The following RHOA variants were observed in gnomAD, a reference collection of about 807,000 sequenced individuals.
RHOA encodes the protein ras homolog family member A.
In RHOA, 3 loss-of-function variants were observed where a neutral mutation model predicts 17.5. The ratio of observed to expected loss-of-function variants is 0.17; its 90% CI spans 0.08 to 0.44. The LOEUF is 0.44. Ranked by LOEUF, RHOA falls within the 20% of genes least tolerant of loss-of-function variation. The pLI, the probability that RHOA is intolerant of heterozygous loss-of-function variation, is 0.99. For synonymous variants in RHOA, 98 were observed against 88.4 expected, an observed-to-expected ratio of 1.11 and a Z score of -0.61; for missense variants, 56 against 242.3, an observed-to-expected ratio of 0.23 and a Z score of 5.10.
In RHOA at chr3:49,359,528, ACTTT is replaced by A. The variant is rs1013390476; in HGVS notation, c.*677_*680del. The A allele has an allele frequency of 5.0e-6, 1 of 200,690 alleles. No homozygotes were observed. The highest frequency in any genetic ancestry group is 2.3e-5 in the African/African-American group (1 of 43,480). The allele number at this position is 200,690 out of a possible 1,614,324, so 12.4% of individuals were successfully genotyped here. A position where few individuals can be genotyped will look rare whatever the true frequency, so the allele number is the denominator to read the frequency against. Reference sequence around the variant, plus strand: ...TCCATCTGACTTTATTTCCAAATACACTTTCTTTTTTAAAAAACCAATACACTTT... The same window carrying A: ...TCCATCTGACTTTATTTCCAAATACACTTTTTTAAAAAACCAATACACTTT... On this transcript the variant is annotated 3_prime_UTR_variant, in exon 5 of 5. Transcript: ENST00000418115.
chr3:49,379,220 T>C (rs1042353599), intron 1 of RHOA, among the ~76,000 whole-genome samples: 1 of 152,178 alleles, frequency 6.6e-6, no homozygotes. Context: ...AAAGTACTGA[T>C]ATATGCTATA....
At chr3:49,361,784 G>C (rs965812417) in intron 4 of RHOA, among the ~76,000 whole-genome samples, 2 of 152,190 alleles carry the variant, frequency 1.3e-5, no homozygotes, top group African/African-American at 4.8e-5. Context: ...GGGAGGCTGA[G>C]GCAGGAGAAT....
intron 1 of RHOA, among the ~76,000 whole-genome samples, chr3:49,377,301 G>C (rs2048243926): frequency 6.8e-6 from 1 of 147,346 alleles, no homozygotes; most frequent in East Asian, 2.1e-4. Context: ...GGGGAGGGGA[G>C]AAAGAAAAGG....
rs2048872408 is a variant in RHOA at position 49,408,264 on chromosome 3, ATACACGTATATACG to A, written c.-3+3542_-3+3555del. 1.1e-4 allele frequency among the ~76,000 whole-genome samples: 6 copies of A among 53,166 alleles called. No individual in the cohort carries two copies. In the Admixed American group the frequency reaches 1.9e-3, roughly 17 times the overall value. The allele number at this position is 53,166 out of a possible 152,430, so 34.9% of individuals were successfully genotyped here. On this transcript the variant is annotated intron_variant, in intron 1 of 4. Transcript: ENST00000418115. ...CGTATATGTACACATATATATACGT[ATACACGTATATACG>A]TATACACAAGTATATATACATATAC...
At chr3:49,401,804 C>T (rs78026371) in intron 1 of RHOA, among the ~76,000 whole-genome samples, 1 of 152,236 alleles carries the variant, frequency 6.6e-6, no homozygotes, top group East Asian at 1.9e-4. Flanking sequence ...GGTTCAGTAT[C>T]CCAAATCCAA....
At chr3:49,411,625 C>CGCGCA (rs2048938375) in intron 1 of RHOA, among the ~76,000 whole-genome samples, 195 bp downstream of exon 1, 2 of 151,902 alleles carry the variant, frequency 1.3e-5, no homozygotes, top group African/African-American at 4.8e-5. Context: ...CTTCCGGGGA[C>CGCGCA]TGCGCGGGCG....
intron 1 of RHOA, among the ~76,000 whole-genome samples, chr3:49,396,072 G>C (rs1280520822): frequency 1.3e-5 from 2 of 152,076 alleles, no homozygotes; most frequent in Non-Finnish European, 2.9e-5. Context: ...TGCTCAAAAA[G>C]GTATGATGAT....
At chr3:49,392,636 T>G (rs2048529784) in intron 1 of RHOA, among the ~76,000 whole-genome samples, 1 of 152,162 alleles carries the variant, frequency 6.6e-6, no homozygotes, top group African/African-American at 2.4e-5. Context: ...TGTGAACTAC[T>G]GCACTTGGCC....
At chr3:49,374,984 G>A (rs1038910353) in intron 2 of RHOA, among the ~76,000 whole-genome samples, 3 of 151,586 alleles carry the variant, frequency 2.0e-5, no homozygotes, top group Non-Finnish European at 4.4e-5. Flanking sequence ...TTAAACCTGG[G>A]GGAAGGCTGG....
intron 1 of RHOA, among the ~76,000 whole-genome samples, chr3:49,408,216 GTACACATATATATACGTA>G: frequency 6.7e-6 from 1 of 149,112 alleles, no homozygotes; most frequent in East Asian, 2.0e-4. Context: ...ACACGTATAT[GTACACATATATATACGTA>G]TACACGTATA....
chr3:49,405,742 T>A (rs1236664983), intron 1 of RHOA, among the ~76,000 whole-genome samples: 1 of 152,098 alleles, frequency 6.6e-6, no homozygotes, highest in Non-Finnish European at 1.5e-5. Context: ...CGGGCTGGAG[T>A]GCAGCAATCT....
chr3:49,376,587 G>T (rs1362116346), intron 1 of RHOA, among the ~76,000 whole-genome samples: 2 of 146,842 alleles, frequency 1.4e-5, no homozygotes, highest in Non-Finnish European at 3.0e-5. Flanking sequence ...AGCTTGCAGT[G>T]AGCCAAGATC....
At chr3:49,384,009 G>A (rs561190418) in intron 1 of RHOA, among the ~76,000 whole-genome samples, 39 of 152,208 alleles carry the variant, frequency 2.6e-4, no homozygotes, top group South Asian at 8.3e-4. Flanking sequence ...CAGCCTGGGC[G>A]GCAGAGTGAG....
intron 1 of RHOA, among the ~76,000 whole-genome samples, chr3:49,376,705 C>A (rs944036622): frequency 6.7e-6 from 1 of 148,880 alleles, no homozygotes; most frequent in African/African-American, 2.5e-5. Flanking sequence ...AATGAAAGGA[C>A]TGATGAAAGG....
intron 1 of RHOA, among the ~76,000 whole-genome samples, chr3:49,376,560 G>A (rs1001157851): frequency 8.7e-5 from 13 of 149,556 alleles, no homozygotes; most frequent in African/African-American, 2.5e-4. Context: ...GGAGAATGGC[G>A]TGAACCCAGG....
chr3:49,366,379 G>T (rs1271939877), intron 3 of RHOA, among the ~76,000 whole-genome samples: 2 of 152,160 alleles, frequency 1.3e-5, no homozygotes, highest in African/African-American at 2.4e-5. Flanking sequence ...AAGGTGAGTG[G>T]ATCACCAGAG....
At chr3:49,377,864 T>C (rs2048256812) in intron 1 of RHOA, among the ~76,000 whole-genome samples, 1 of 151,674 alleles carries the variant, frequency 6.6e-6, no homozygotes, top group African/African-American at 2.4e-5. Context: ...AGAACTCTTT[T>C]TGGGCTGGGC....
chr3:49,407,171 C>T (rs896909846), intron 1 of RHOA, among the ~76,000 whole-genome samples: 2 of 149,778 alleles, frequency 1.3e-5, no homozygotes, highest in East Asian at 3.9e-4. Context: ...GAACCAATGA[C>T]TTCAAATAAA....
At chr3:49,406,233 A>C (rs2048830660) in intron 1 of RHOA, among the ~76,000 whole-genome samples, 1 of 152,088 alleles carries the variant, frequency 6.6e-6, no homozygotes, top group African/African-American at 2.4e-5. Context: ...CCTATATCCC[A>C]AACAAAGTTA....
Sources: gnomAD v4.1 joint callset for allele counts (sites outside exome capture counted in the v4.1 genomes callset) on GRCh38, gnomAD v4.1.1 for gene constraint, MANE v1.5 for transcripts, NCBI Gene and HGNC (gene_info 2026-07-23, HGNC 2026-07-21) for gene names.